Variants in MYRIP observed in about 807,000 individuals in gnomAD.
The protein encoded by MYRIP is myosin VIIA and Rab interacting protein, also known as rab effector MyRIP.
MYRIP carries 49 observed loss-of-function variants against 98.0 expected under a neutral mutation model. That is an observed-to-expected ratio of 0.50 (90% CI 0.40 to 0.63). The LOEUF (loss-of-function observed/expected upper bound fraction) is 0.63. Ranked by LOEUF, MYRIP falls within the 30% of genes least tolerant of loss-of-function variation. The pLI is 0.00. For missense variants in MYRIP, 1,004 were observed against 1,058.2 expected (o/e 0.95, Z 0.71); for synonymous variants, 404 against 409.5 (o/e 0.99, Z 0.16).
At chr3:40,043,980 T>A in intron 2 of MYRIP, 70 bp from the exon 3 acceptor site, 1 of 1,455,516 alleles carries the variant, frequency 6.9e-7, no homozygotes, top group Non-Finnish European at 9.4e-7. Context: ...GTGCATGCTT[T>A]GGGGAGACAC....
chr3:40,007,777 A>G (rs77211741), intron 2 of MYRIP, among the ~76,000 whole-genome samples: 6,274 of 152,322 alleles, frequency 0.041, 204 homozygotes, highest in East Asian at 0.17. Flanking sequence ...GAGCTAGGGA[A>G]GAGTTGCACT....
intron 3 of MYRIP, among the ~76,000 whole-genome samples, chr3:40,139,706 A>C (rs1949854494): frequency 6.6e-6 from 1 of 152,058 alleles, no homozygotes; most frequent in African/African-American, 2.4e-5. Flanking sequence ...CAGCCTCCCA[A>C]GTAGCTGGGA....
chr3:40,191,508 G>A (rs1337534199), intron 10 of MYRIP, among the ~76,000 whole-genome samples: 1 of 152,100 alleles, frequency 6.6e-6, no homozygotes, highest in Non-Finnish European at 1.5e-5. Flanking sequence ...TAGGTCCAAA[G>A]ATATGGTCCA....
chr3:39,859,152 A>G lies in MYRIP; in HGVS notation c.-30-41635A>G, dbSNP rs532319779. ...AGACAAACCCTTGGCTAGACTAACG[A>G]AAGATGGAGAGGACTTGAGTAAATA... On this transcript the variant is annotated intron_variant, in intron 1 of 16. Coordinates refer to ENST00000302541, the MANE Select transcript of MYRIP (RefSeq NM_015460.4). Among the ~76,000 whole-genome samples the G allele has an allele frequency of 6.4e-4, 97 of 152,004 alleles. 1 individual carries two copies. Among genetic ancestry groups the G allele is most frequent in the African/African-American group, 2.3e-3 (95 of 41,532 alleles).
At chr3:40,047,282 G>A (rs1947690539) in intron 3 of MYRIP, among the ~76,000 whole-genome samples, 1 of 152,314 alleles carries the variant, frequency 6.6e-6, no homozygotes, top group Non-Finnish European at 1.5e-5. Context: ...GGAGGCTTAG[G>A]TAGTCCCATT....
chr3:40,229,444 AG>A (rs1193963084), intron 11 of MYRIP, among the ~76,000 whole-genome samples: 1 of 152,210 alleles, frequency 6.6e-6, no homozygotes, highest in Non-Finnish European at 1.5e-5. Flanking sequence ...ATGGCCACTG[AG>A]GCAGGGCTGC....
At chr3:39,825,304 A>G (rs967015392) in intron 1 of MYRIP, among the ~76,000 whole-genome samples, 1 of 152,170 alleles carries the variant, frequency 6.6e-6, no homozygotes, top group Non-Finnish European at 1.5e-5. Flanking sequence ...GCTTTTTCCC[A>G]TTCAGTATGA....
At chr3:40,246,032 G>T (rs558434014) in intron 13 of MYRIP, among the ~76,000 whole-genome samples, 1 of 151,572 alleles carries the variant, frequency 6.6e-6, no homozygotes, top group Non-Finnish European at 1.5e-5. Flanking sequence ...AAACTGCTGG[G>T]ATTACAGGTG....
At chr3:40,225,824 G>T (rs1010007494) in intron 11 of MYRIP, among the ~76,000 whole-genome samples, 4 of 152,120 alleles carry the variant, frequency 2.6e-5, no homozygotes, top group Non-Finnish European at 5.9e-5. Context: ...AGAAGCCATG[G>T]CCACATATTT....
At chr3:39,875,754 C>T (rs1942971324) in intron 1 of MYRIP, among the ~76,000 whole-genome samples, 1 of 151,302 alleles carries the variant, frequency 6.6e-6, no homozygotes, top group African/African-American at 2.4e-5. Flanking sequence ...GAGAGCTTTA[C>T]TTCCAACTAT....
intron 1 of MYRIP, among the ~76,000 whole-genome samples, chr3:39,815,179 C>T (rs1479463833): frequency 2.0e-5 from 3 of 152,164 alleles, no homozygotes; most frequent in East Asian, 1.9e-4. Flanking sequence ...TATCCCTCCA[C>T]GCACCCTGCC....
intron 13 of MYRIP, 179 bp downstream of exon 13, chr3:40,244,786 T>A (rs1183873703): frequency 2.9e-6 from 2 of 690,424 alleles, no homozygotes; most frequent in Non-Finnish European, 4.6e-6. Flanking sequence ...AGTGTAGTCC[T>A]CTTCTCTGCC....
At chr3:39,892,225 C>T (rs539093720) in intron 1 of MYRIP, among the ~76,000 whole-genome samples, 1 of 151,966 alleles carries the variant, frequency 6.6e-6, no homozygotes, top group East Asian at 1.9e-4. Flanking sequence ...CTTACCTAGC[C>T]CAAGTGAAAA....
At chr3:40,106,870 A>C (rs1391458080) in intron 3 of MYRIP, among the ~76,000 whole-genome samples, 1 of 151,362 alleles carries the variant, frequency 6.6e-6, no homozygotes, top group Non-Finnish European at 1.5e-5. Context: ...CTTTGTGTCC[A>C]CTTGATGCTT....
intron 2 of MYRIP, among the ~76,000 whole-genome samples, chr3:40,023,719 C>T (rs1400070256): frequency 6.6e-6 from 1 of 152,186 alleles, no homozygotes; most frequent in Admixed American, 6.5e-5. Flanking sequence ...GGTTTCCAAG[C>T]TTCCAGCCCC....
At chr3:39,967,282 C>G (rs1945465316) in intron 2 of MYRIP, among the ~76,000 whole-genome samples, 1 of 152,070 alleles carries the variant, frequency 6.6e-6, no homozygotes, top group Non-Finnish European at 1.5e-5. Flanking sequence ...TCTGTTGTTT[C>G]CTTCTTTGTA....
chr3:39,898,335 C>T (rs544797157), intron 1 of MYRIP, among the ~76,000 whole-genome samples: 3 of 152,044 alleles, frequency 2.0e-5, no homozygotes, highest in Non-Finnish European at 2.9e-5. Flanking sequence ...GAGATTGGTT[C>T]GCATTATGCA....
chr3:40,224,414 CA>C (rs35749015), intron 11 of MYRIP, among the ~76,000 whole-genome samples: 63,551 of 134,318 alleles, frequency 0.47, 13,815 homozygotes, highest in East Asian at 0.66. Flanking sequence ...TATAAAAAAG[CA>C]AAAAAAAAAA....
intron 2 of MYRIP, among the ~76,000 whole-genome samples, chr3:40,013,668 G>T (rs548928369): frequency 6.6e-6 from 1 of 152,328 alleles, no homozygotes; most frequent in South Asian, 2.1e-4. Context: ...GTGAGCCTGA[G>T]TTAGTTTCAT....
Sources: allele counts gnomAD v4.1 joint callset (sites outside exome capture counted in the v4.1 genomes callset), GRCh38; gene constraint gnomAD v4.1.1; transcripts MANE v1.5; gene names NCBI Gene and HGNC (gene_info 2026-07-23, HGNC 2026-07-21).